The following ZNF469 variants were observed in gnomAD, a reference collection of about 807,000 sequenced individuals.
The protein encoded by ZNF469 is zinc finger protein 469.
A neutral mutation model predicts 1.0 loss-of-function variants in ZNF469; 1 was observed. The ratio of observed to expected loss-of-function variants is 1.00; its 90% CI spans 0.35 to 4.73. The LOEUF (loss-of-function observed/expected upper bound fraction) is 4.73. Among genes scored for constraint, ZNF469 ranks in the 30% most tolerant of loss-of-function variants. ZNF469 has a pLI of 0.16. For synonymous variants in ZNF469, 2,703 were observed against 2,363.4 expected (o/e 1.14, Z -4.17); for missense variants, 6,100 against 5,356.3 (o/e 1.14, Z -4.33).
chr16:88,105,463 C>T, the ZNF469 span, among the ~76,000 whole-genome samples: 1 of 152,060 alleles, frequency 6.6e-6, no homozygotes, highest in Non-Finnish European at 1.5e-5. Context: ...TGTGACCACG[C>T]CCAGCTAATT....
chr16:88,398,784 T>C (rs1178499274), intron 1 of ZNF469, among the ~76,000 whole-genome samples: 5 of 152,156 alleles, frequency 3.3e-5, no homozygotes, highest in Admixed American at 6.5e-5. Context: ...TTGGCTCCTT[T>C]GCAGCAGCCC....
At chr16:88,130,018 G>T in the ZNF469 span, among the ~76,000 whole-genome samples, 1 of 151,912 alleles carries the variant, frequency 6.6e-6, no homozygotes, top group African/African-American at 2.4e-5. Context: ...GGTGGCAGAA[G>T]TTTCTGTAGT....
the ZNF469 span, among the ~76,000 whole-genome samples, chr16:88,115,556 C>A: frequency 6.6e-6 from 1 of 151,732 alleles, no homozygotes; most frequent in African/African-American, 2.4e-5. Flanking sequence ...CCGTCCAGGA[C>A]GGTGGTGTGG....
chr16:88,421,753 A>G (rs1905465982), intron 1 of ZNF469, among the ~76,000 whole-genome samples: 1 of 152,250 alleles, frequency 6.6e-6, no homozygotes, highest in African/African-American at 2.4e-5. Flanking sequence ...GCACAGTTAT[A>G]GACAGTCCTG....
chr16:88,437,563 T>C lies in ZNF469; in HGVS notation c.10093T>C (p.Tyr3365His). ...GGCGGTGCACAGCCCGCAGCGCGTC[T>C]ACCTGTGCCCCCGGTGCCCCCGGGT... ...HLAVHSPQRV[Y>H]LCPRCPRVYP... The change falls in exon 3 of 3, where the codon TAC becomes CAC. Residue 3365 changes from tyrosine to histidine, a missense_variant. Transcript: ENST00000565624. 2 of 1,537,606 alleles carry C rather than the reference T, an allele frequency of 1.3e-6. No individual in the cohort carries two copies. Among genetic ancestry groups the C allele is most frequent in the South Asian group, 1.2e-5 (1 of 83,716 alleles).
the ZNF469 span, among the ~76,000 whole-genome samples, chr16:88,124,673 C>T: frequency 6.6e-6 from 1 of 152,218 alleles, no homozygotes; most frequent in South Asian, 2.1e-4. Flanking sequence ...CAACCTCTGC[C>T]TCCCGGGTTC....
the ZNF469 span, among the ~76,000 whole-genome samples, chr16:88,241,602 G>A: frequency 7.9e-5 from 12 of 152,130 alleles, no homozygotes; most frequent in Non-Finnish European, 1.3e-4. The surrounding 1 kb of genome is among the most constrained non-coding windows in gnomAD (Gnocchi z 4.8). Context: ...CCTGGCAGGC[G>A]CTTGCAGAGC....
intron 1 of ZNF469, among the ~76,000 whole-genome samples, chr16:88,413,057 C>T (rs1433800797): frequency 2.0e-5 from 3 of 151,986 alleles, no homozygotes; most frequent in Non-Finnish European, 2.9e-5. Flanking sequence ...CAGGCACTAG[C>T]GGTGTGGCAT....
chr16:88,289,652 G>C, the ZNF469 span, among the ~76,000 whole-genome samples: 1 of 152,200 alleles, frequency 6.6e-6, no homozygotes, highest in Non-Finnish European at 1.5e-5. Context: ...TCACTTGTGA[G>C]TGGTGGAGCT....
At chr16:88,382,093 T>C (rs943589524), upstream of ZNF469, among the ~76,000 whole-genome samples, 10 of 152,194 alleles carry the variant, frequency 6.6e-5, no homozygotes, top group African/African-American at 2.2e-4. Flanking sequence ...TCCACCAAGT[T>C]CATGACTTGG....
At chr16:88,333,908 ATC>A in the ZNF469 span, among the ~76,000 whole-genome samples, 3 of 137,048 alleles carry the variant, frequency 2.2e-5, no homozygotes, top group East Asian at 6.2e-4. Context: ...GTTTTTGTGC[ATC>A]TGTGTGTGTC....
intron 1 of ZNF469, among the ~76,000 whole-genome samples, chr16:88,397,643 G>A (rs1428369219): frequency 0.28 from 34,530 of 123,300 alleles, 4,527 homozygotes; most frequent in African/African-American, 0.41. Context: ...ATGGATGGAT[G>A]GATATAAATA....
At chr16:88,225,915 G>C in the ZNF469 span, among the ~76,000 whole-genome samples, 4 of 152,142 alleles carry the variant, frequency 2.6e-5, no homozygotes, top group African/African-American at 9.7e-5. Flanking sequence ...CAGCCTCCCT[G>C]ACAAGTCCTG....
chr16:88,279,187 G>T, the ZNF469 span, among the ~76,000 whole-genome samples: 1 of 139,044 alleles, frequency 7.2e-6, no homozygotes, highest in African/African-American at 2.5e-5. Context: ...CACGGTTAGT[G>T]CTGCGCCACG....
chr16:88,274,384 A>G, the ZNF469 span, among the ~76,000 whole-genome samples: 1 of 152,236 alleles, frequency 6.6e-6, no homozygotes, highest in Admixed American at 6.5e-5. Flanking sequence ...CTTACTCAGA[A>G]ATGGCTAAAG....
the ZNF469 span, among the ~76,000 whole-genome samples, chr16:88,370,682 C>G: frequency 6.6e-3 from 1,002 of 152,242 alleles, 14 homozygotes; most frequent in African/African-American, 0.021. Context: ...TGACCGCAAA[C>G]TGGGCAAGTG....
the ZNF469 span, among the ~76,000 whole-genome samples, chr16:88,208,803 A>ACTCTCT: frequency 1.5e-4 from 19 of 123,654 alleles, no homozygotes; most frequent in African/African-American, 5.7e-4. Context: ...ACACACACAC[A>ACTCTCT]CTCTCTCTCT....
chr16:88,167,203 A>T, the ZNF469 span, among the ~76,000 whole-genome samples: 1 of 151,898 alleles, frequency 6.6e-6, no homozygotes, highest in Admixed American at 6.6e-5. Context: ...CTGGGATTAC[A>T]AGCACCTGCC....
the ZNF469 span, among the ~76,000 whole-genome samples, chr16:88,362,657 C>A: frequency 6.6e-6 from 1 of 152,082 alleles, no homozygotes; most frequent in Non-Finnish European, 1.5e-5. Context: ...TGCCATTTAT[C>A]TTTGGTTTTC....
Sources: gnomAD v4.1 joint callset for allele counts (sites outside exome capture counted in the v4.1 genomes callset) on GRCh38, gnomAD v4.1.1 for gene constraint, Gnocchi (gnomAD v3.1) non-coding constraint, MANE v1.5 for transcripts, NCBI Gene and HGNC (gene_info 2026-07-23, HGNC 2026-07-21) for gene names.